FAM167A: variants seen among roughly 807,000 people sequenced by gnomAD.
FAM167A encodes protein FAM167A.
FAM167A carries 23 observed loss-of-function variants against 14.9 expected under a neutral mutation model. The ratio of observed to expected loss-of-function variants is 1.55; its 90% confidence interval spans 1.11 to 2.19. The LOEUF (loss-of-function observed/expected upper bound fraction) is 2.19. Among genes scored for constraint, FAM167A ranks in the 30% most tolerant of loss-of-function variants. The pLI is 0.00. For missense variants in FAM167A, 401 were observed against 281.5 expected, an observed-to-expected ratio of 1.42 and a Z score of -3.04; for synonymous variants, 174 against 117.7, an observed-to-expected ratio of 1.48 and a Z score of -3.10.
chr8:11,441,844 G>A (rs1047797114), intron 2 of FAM167A, among the ~76,000 whole-genome samples: 1 of 152,094 alleles, frequency 6.6e-6, no homozygotes, highest in African/African-American at 2.4e-5. Context: ...CATGCATTCT[G>A]TTGCCTGCTG....
intron 1 of FAM167A, among the ~76,000 whole-genome samples, chr8:11,448,535 C>T (rs1327984582): frequency 3.3e-5 from 5 of 152,224 alleles, no homozygotes; most frequent in South Asian, 2.1e-4. Context: ...GGTCTCTGAC[C>T]TGCTGGGTGG....
At chr8:11,457,771 C>A (rs938954583) in intron 1 of FAM167A, among the ~76,000 whole-genome samples, 1 of 152,158 alleles carries the variant, frequency 6.6e-6, no homozygotes, top group African/African-American at 2.4e-5. Context: ...TCCGAGGGCT[C>A]GCCTCCTCCC....
intron 2 of FAM167A, among the ~76,000 whole-genome samples, chr8:11,430,621 A>G (rs113062694): frequency 6.6e-6 from 1 of 152,226 alleles, no homozygotes; most frequent in Non-Finnish European, 1.5e-5. Flanking sequence ...AGCAAGAGAG[A>G]GAGCCAGGTT....
At chr8:11,437,326 G>A (rs1050768235) in intron 2 of FAM167A, among the ~76,000 whole-genome samples, 11 of 152,176 alleles carry the variant, frequency 7.2e-5, no homozygotes, top group African/African-American at 1.4e-4. Flanking sequence ...GATGTGAGGC[G>A]TGTGTATAAA....
chr8:11,445,404 A>G lies in FAM167A; in HGVS notation c.-397-596T>C, dbSNP rs1422576248. ...CTCTACGCTCCTAGCTTCTTCCTCC[A>G]AGAACAACACCTTACCTCACCTCTT... On this transcript the variant is annotated intron_variant, in intron 1 of 2. Transcript: ENST00000284486. The G allele has an allele frequency of 3.0e-6, 3 of 985,562 alleles. No homozygotes were observed. The East Asian group carries it at 3.4e-4, about 112-fold the overall frequency. The allele number at this position is 985,562 out of a possible 1,614,324, so 61.1% of individuals were successfully genotyped here.
chr8:11,445,215 C>G, intron 1 of FAM167A: 1 of 985,358 alleles, frequency 1.0e-6, no homozygotes, highest in Non-Finnish European at 1.2e-6. Flanking sequence ...CAGGTCTTTC[C>G]TCTCTGTGGC....
chr8:11,438,521 T>C, intron 2 of FAM167A: 2 of 457,120 alleles, frequency 4.4e-6, no homozygotes, highest in South Asian at 1.5e-5. Flanking sequence ...CTAGCACTTT[T>C]GCTTCTTTGG....
rs377496866 is a variant in FAM167A at position 11,457,358 on chromosome 8, T to A, written c.-398+9268A>T. Reference sequence around the variant, plus strand: ...ACTCGGCAGTCTCTTCTGAAGGACATTGATGCTGTGCCACAATGTCATATG... The same window carrying A: ...ACTCGGCAGTCTCTTCTGAAGGACAATGATGCTGTGCCACAATGTCATATG... On this transcript the variant is annotated intron_variant, in intron 1 of 2. Transcript: ENST00000284486. Among the ~76,000 whole-genome samples, 6 of 151,900 alleles carry A rather than the reference T, an allele frequency of 3.9e-5. No homozygotes were observed. The South Asian group carries it at 8.3e-4, about 21-fold the overall frequency.
At chr8:11,440,574 C>T (rs1174596886) in intron 2 of FAM167A, among the ~76,000 whole-genome samples, 1 of 152,198 alleles carries the variant, frequency 6.6e-6, no homozygotes, top group Non-Finnish European at 1.5e-5. Flanking sequence ...GTTGAGGTGA[C>T]ATTGACCACT....
At chr8:11,454,034 G>A (rs1010463525) in intron 1 of FAM167A, among the ~76,000 whole-genome samples, 3 of 152,190 alleles carry the variant, frequency 2.0e-5, no homozygotes, top group African/African-American at 4.8e-5. Context: ...TCCATCTGCA[G>A]GTATAACTGG....
intron 1 of FAM167A, among the ~76,000 whole-genome samples, chr8:11,456,390 T>TGTGAGTGTGA (rs1585274543): frequency 1.9e-5 from 1 of 53,238 alleles, no homozygotes; most frequent in Non-Finnish European, 4.0e-5. Flanking sequence ...CTGCCTGGTG[T>TGTGAGTGTGA]GTGTGTGAGT....
At position 11,435,026 on chromosome 8, in the gene FAM167A, C is replaced by T. The variant is rs778674418; in HGVS notation, c.381+9005G>A. 36 of 456,690 alleles carry T rather than the reference C, an allele frequency of 7.9e-5. 1 individual carries two copies. Among genetic ancestry groups the T allele is most frequent in the South Asian group, 5.0e-4 (32 of 64,550 alleles). 28.3% of individuals were successfully genotyped at this position (456,690 alleles called of 1,614,324 possible). A position where few individuals can be genotyped will look rare whatever the true frequency, so the allele number is the denominator to read the frequency against. On this transcript the variant is annotated intron_variant, in intron 2 of 2. Coordinates refer to ENST00000284486, the MANE Select transcript of FAM167A (RefSeq NM_053279.3). The stretch of plus-strand genomic sequence containing the variant: ...AGCATCTGGGCCTCCTCCCTGCCTG[C>T]CTCCCCCCCTCACTCAATCTGTCTC...
chr8:11,434,649 C>A (rs1209166762), intron 2 of FAM167A, among the ~76,000 whole-genome samples: 1 of 152,168 alleles, frequency 6.6e-6, no homozygotes, highest in Non-Finnish European at 1.5e-5. Context: ...TACACACCTT[C>A]AGGGGTGAGG....
chr8:11,443,907 G>T, intron 2 of FAM167A, 124 bp downstream of exon 2: 1 of 1,222,034 alleles, frequency 8.2e-7, no homozygotes, highest in East Asian at 2.4e-5. Context: ...GTGCACTTGG[G>T]GGTTAGAGAG....
chr8:11,435,870 G>C (rs561010876), intron 2 of FAM167A, among the ~76,000 whole-genome samples: 123 of 152,336 alleles, frequency 8.1e-4, no homozygotes, highest in African/African-American at 2.8e-3. Context: ...CACACACTTT[G>C]TACAGGACAT....
At chr8:11,454,387 C>G (rs1240023467) in intron 1 of FAM167A, among the ~76,000 whole-genome samples, 1 of 152,216 alleles carries the variant, frequency 6.6e-6, no homozygotes, top group Non-Finnish European at 1.5e-5. Flanking sequence ...GCAGGGGTGG[C>G]AGGAAGAGGC....
At chr8:11,442,636 G>GCACATTC (rs1806510497) in intron 2 of FAM167A, among the ~76,000 whole-genome samples, 1 of 152,036 alleles carries the variant, frequency 6.6e-6, no homozygotes, top group Non-Finnish European at 1.5e-5. Context: ...TCAAAGAGCA[G>GCACATTC]CTGGGGGCTG....
intron 2 of FAM167A, among the ~76,000 whole-genome samples, chr8:11,427,626 G>C (rs12156238): frequency 0.15 from 22,635 of 152,156 alleles, 1,999 homozygotes; most frequent in Middle Eastern, 0.27. Context: ...AAAATTAAGT[G>C]ACCTTGCCAG....
chr8:11,471,407 G>A (rs933131951), upstream of FAM167A, among the ~76,000 whole-genome samples: 2 of 152,170 alleles, frequency 1.3e-5, no homozygotes, highest in Non-Finnish European at 2.9e-5. Flanking sequence ...GGCCCACACA[G>A]AGGTTGTTTC....
Sources: gnomAD v4.1 joint callset for allele counts (sites outside exome capture counted in the v4.1 genomes callset) on GRCh38, gnomAD v4.1.1 for gene constraint, MANE v1.5 for transcripts, NCBI Gene and HGNC (gene_info 2026-07-23, HGNC 2026-07-21) for gene names.